The following SMIM27 variants were observed in gnomAD, a reference collection of about 807,000 sequenced individuals.
SMIM27 encodes the protein transition zone microprotein 1.
Under a neutral mutation model 1.8 loss-of-function variants are expected in SMIM27, and 3 were observed. The ratio of observed to expected loss-of-function variants is 1.65; its 90% confidence interval spans 0.75 to 4.28. The LOEUF (loss-of-function observed/expected upper bound fraction) is 4.28, where lower values mean the gene tolerates loss of function less well. Ranked by LOEUF, SMIM27 falls within the 30% of genes most tolerant of loss-of-function variation. The probability of loss-of-function intolerance (pLI) is 0.02; values close to 1 mark genes in which losing one functional copy is unlikely to be tolerated. For synonymous variants in SMIM27, 19 were observed against 13.9 expected, an observed-to-expected ratio of 1.37 and a Z score of -0.82; for missense variants, 63 against 37.0, an observed-to-expected ratio of 1.70 and a Z score of -1.83.
At chr9:32,556,156 A>G (rs143889219), downstream of SMIM27, among the ~76,000 whole-genome samples, 142 of 152,356 alleles carry the variant, frequency 9.3e-4, 2 homozygotes, top group African/African-American at 3.2e-3. Flanking sequence ...TGTGTTATGC[A>G]TGGGTAAAGA....
downstream of SMIM27, among the ~76,000 whole-genome samples, chr9:32,557,030 T>G (rs1407059774): frequency 2.0e-5 from 3 of 150,842 alleles, no homozygotes; most frequent in Non-Finnish European, 4.4e-5. Context: ...TTTTGTATTT[T>G]TATTAATAGT....
intron 1 of SMIM27, among the ~76,000 whole-genome samples, chr9:32,563,489 G>A (rs945337195): frequency 1.9e-5 from 1 of 51,508 alleles, no homozygotes; most frequent in African/African-American, 8.2e-5. Context: ...GGGACTATTG[G>A]GCTTTTTTTT....
chr9:32,561,307 G>C (rs1317590772), intron 1 of SMIM27, among the ~76,000 whole-genome samples: 1 of 151,520 alleles, frequency 6.6e-6, no homozygotes, highest in African/African-American at 2.4e-5. Flanking sequence ...GGCAGCACAC[G>C]CTCCTAAAAA....
At chr9:32,566,551 C>T (rs1395855421) in exon 2 of SMIM27, 29 of 774,722 alleles carry the variant, frequency 3.7e-5, no homozygotes, top group Non-Finnish European at 6.2e-5. Flanking sequence ...GTATAGCTGC[C>T]GTCGTACTGC....
intron 1 of SMIM27, chr9:32,566,215 T>TCATAG: frequency 6.0e-6 from 5 of 831,296 alleles, no homozygotes; most frequent in Non-Finnish European, 8.4e-6. Flanking sequence ...TCTGTTCAGG[T>TCATAG]CATAGCTGGT....
chr9:32,563,612 C>G (rs1821693578), intron 1 of SMIM27, among the ~76,000 whole-genome samples: 2 of 151,532 alleles, frequency 1.3e-5, no homozygotes, highest in South Asian at 4.1e-4. Flanking sequence ...GTGTGAGCCA[C>G]TGTGCCCAGA....
chr9:32,566,463 G>A (rs145545629), exon 2 of SMIM27: 22 of 808,492 alleles, frequency 2.7e-5, no homozygotes, highest in Middle Eastern at 2.2e-4. Flanking sequence ...ACAAGCAGCC[G>A]TCCATGTCGA....
At position 32,552,835 on chromosome 9, in the gene SMIM27, GCAT is replaced by G. The variant is rs1335279745; in HGVS notation, c.85_87del (p.Ile29del). ...GCCATCGTTTTAATCTCCTGGGGCT[GCAT>G]CATCTATGCTTCGATGGTGTCTGCA... On this transcript the variant is annotated inframe_deletion, in exon 2 of 2. Coordinates refer to ENST00000692500, the MANE Select transcript of SMIM27 (RefSeq NM_001387564.1). The G allele has an allele frequency of 2.8e-6, 2 of 702,700 alleles. No individual in the cohort carries two copies. The highest frequency in any genetic ancestry group is 2.0e-5 in the Admixed American group (1 of 49,986). 43.5% of individuals were successfully genotyped at this position (702,700 alleles called of 1,614,324 possible).
At chr9:32,557,226 G>A (rs1266415488), downstream of SMIM27, among the ~76,000 whole-genome samples, 1 of 143,962 alleles carries the variant, frequency 6.9e-6, no homozygotes, top group Non-Finnish European at 1.5e-5. Flanking sequence ...GTGCAGTGGC[G>A]CAAACTCCGC....
At chr9:32,560,969 A>T (rs956775116) in intron 1 of SMIM27, among the ~76,000 whole-genome samples, 7 of 152,218 alleles carry the variant, frequency 4.6e-5, no homozygotes, top group Non-Finnish European at 7.3e-5. Context: ...TTGGATGTTA[A>T]ACTTTCACTG....
At chr9:32,557,249 C>T (rs150265064), downstream of SMIM27, among the ~76,000 whole-genome samples, 1 of 149,820 alleles carries the variant, frequency 6.7e-6, no homozygotes, top group Non-Finnish European at 1.5e-5. Context: ...ACTGCAACTT[C>T]TGCCTTCCAG....
Position 32,552,392 on chromosome 9 carries a change from GCAGCTCCCGC to G in SMIM27, c.-32_-23del, listed in dbSNP as rs751722809. Reference sequence around the variant, plus strand: ...CGCCTGGGAGGTTACTGTAAGGCCCGCAGCTCCCGCCAGCTCCCGCGGACTGCTGCCGCCT... The same window carrying G: ...CGCCTGGGAGGTTACTGTAAGGCCCGCAGCTCCCGCGGACTGCTGCCGCCT... On this transcript the variant is annotated 5_prime_UTR_variant, in exon 1 of 2. Coordinates refer to ENST00000692500, the MANE Select transcript of SMIM27 (RefSeq NM_001387564.1). 970 of 1,606,476 alleles carry G rather than the reference GCAGCTCCCGC, an allele frequency of 6.0e-4. 1 individual carries two copies. Among genetic ancestry groups the G allele is most frequent in the Non-Finnish European group, 7.9e-4 (935 of 1,177,022 alleles).
chr9:32,566,407 A>C (rs1821790450), exon 2 of SMIM27: 1 of 903,990 alleles, frequency 1.1e-6, no homozygotes, highest in Non-Finnish European at 1.9e-6. Context: ...GGTCCAGAAG[A>C]GGAGCCTGCT....
At chr9:32,561,183 G>C (rs1279157964) in intron 1 of SMIM27, among the ~76,000 whole-genome samples, 1 of 152,116 alleles carries the variant, frequency 6.6e-6, no homozygotes, top group Non-Finnish European at 1.5e-5. Flanking sequence ...GTTTGTGTTG[G>C]TTTGTAATGT....
At chr9:32,551,849 G>A (rs746295003), upstream of SMIM27, 2 of 438,176 alleles carry the variant, frequency 4.6e-6, no homozygotes, top group South Asian at 1.6e-5. Flanking sequence ...TATACATTAC[G>A]CTATACGTTT....
At chr9:32,566,190 C>T in intron 1 of SMIM27, 1 of 751,868 alleles carries the variant, frequency 1.3e-6, no homozygotes, top group East Asian at 2.5e-5. Flanking sequence ...TCAACCTTGT[C>T]TGGGGTTTGT....
chr9:32,562,553 T>C (rs1001514402), intron 1 of SMIM27, among the ~76,000 whole-genome samples: 2 of 152,244 alleles, frequency 1.3e-5, no homozygotes, highest in African/African-American at 4.8e-5. Context: ...CTTCTGTCTT[T>C]ATTCTGAAAT....
upstream of SMIM27, chr9:32,551,873 C>T: frequency 2.4e-6 from 1 of 409,572 alleles, no homozygotes; most frequent in South Asian, 1.7e-5. Context: ...AAGAATGGCT[C>T]GATTTACAGG....
upstream of SMIM27, chr9:32,552,275 C>G: frequency 9.7e-7 from 1 of 1,028,198 alleles, no homozygotes; most frequent in Non-Finnish European, 1.5e-6. Context: ...CCCCCAACTC[C>G]GGGCGGAAGA....
Sources: gnomAD v4.1 joint callset for allele counts (sites outside exome capture counted in the v4.1 genomes callset) on GRCh38, gnomAD v4.1.1 for gene constraint, MANE v1.5 for transcripts, NCBI Gene and HGNC (gene_info 2026-07-23, HGNC 2026-07-21) for gene names.